The following LRP8 variants were observed in gnomAD, a reference collection of about 807,000 sequenced individuals.
The protein encoded by LRP8 is LDL receptor related protein 8, also known as low-density lipoprotein receptor-related protein 8.
Under a neutral mutation model 111.6 loss-of-function variants are expected in LRP8, and 46 were observed. That is an observed-to-expected ratio of 0.41 (90% CI 0.33 to 0.53). LRP8 has a LOEUF of 0.53. Among genes scored for constraint, LRP8 ranks in the 20% least tolerant of loss-of-function variants. LRP8 has a pLI of 0.20. For missense variants in LRP8, 959 were observed against 1,297.4 expected (o/e 0.74, Z 4.01); for synonymous variants, 464 against 511.2 (o/e 0.91, Z 1.24).
chr1:53,254,184 G>C (rs538727350), intron 16 of LRP8, among the ~76,000 whole-genome samples: 1 of 152,158 alleles, frequency 6.6e-6, no homozygotes, highest in Non-Finnish European at 1.5e-5. Flanking sequence ...TAAGAGAGGG[G>C]TGTACAGGAT....
chr1:53,246,840 T>A lies in LRP8; in HGVS notation c.*178A>T, dbSNP rs1359427137. The A allele has an allele frequency of 5.0e-6, 3 of 595,820 alleles. No individual in the cohort carries two copies. Among genetic ancestry groups the A allele is most frequent in the Non-Finnish European group, 8.8e-6 (3 of 341,378 alleles). 36.9% of individuals were successfully genotyped at this position (595,820 alleles called of 1,614,324 possible). ...AAAACTCTCACATCCTTTGGATGTT[T>A]GCAGTTCATCATAACTTTGTGGTTA... On this transcript the variant is annotated 3_prime_UTR_variant, in exon 19 of 19. Transcript: ENST00000306052.
In LRP8 at chr1:53,282,067, GCT is replaced by G. The variant is rs140786943; in HGVS notation, c.368-1354_368-1353del. Among the ~76,000 whole-genome samples, 573 of 152,284 alleles carry G rather than the reference GCT, an allele frequency of 3.8e-3. 2 individuals carry two copies. Among genetic ancestry groups the G allele is most frequent in the African/African-American group, 0.013 (550 of 41,542 alleles). On this transcript the variant is annotated intron_variant, in intron 3 of 18. Coordinates refer to ENST00000306052, the MANE Select transcript of LRP8 (RefSeq NM_004631.5). ...CTACTCATGCTTCGCCCTCCATTTT[GCT>G]CTCTGATCTCAGACCAGTTTCTCCT...
In LRP8 at chr1:53,275,568, G is replaced by A. The variant is rs945548741; in HGVS notation, c.1006+63C>T. ...AAACTCCTCCCAACTCTGCCCTCTGGAGAGTTACCAGAGCCTAGGGCATCC... is the reference window on the plus strand; with the variant it reads ...AAACTCCTCCCAACTCTGCCCTCTGAAGAGTTACCAGAGCCTAGGGCATCC... On this transcript the variant is annotated intron_variant, in intron 6 of 18. Transcript: ENST00000306052. The surrounding 1 kb of genome is among the most constrained non-coding windows in gnomAD (Gnocchi z 4.4). 1.3e-6 allele frequency: 2 copies of A among 1,594,314 alleles called. No individual in the cohort carries two copies. The highest frequency in any genetic ancestry group is 1.7e-6 in the Non-Finnish European group (2 of 1,165,962).
intron 6 of LRP8, 90 bp from the exon 7 acceptor site, chr1:53,271,436 C>G: frequency 6.7e-7 from 1 of 1,482,230 alleles, no homozygotes; most frequent in African/African-American, 1.4e-5. Flanking sequence ...AGCAGAGCCT[C>G]AGGGCAGTGG....
chr1:53,277,046 G>C lies in LRP8; in HGVS notation c.529C>G (p.Arg177Gly), dbSNP rs1419085145. ...CAPHEFQCGN[R>G]SCLAAVFVCD... ...ACGAACACGGCGGCCAGGCACGAGC[G>C]GTTGCCGCACTGGAACTCGTGCGGG... Residue 177 changes from arginine (R) to glycine (G), a missense_variant, in exon 5 of 19, where the codon CGC becomes GGC. Around this residue, in one of 3 missense-constraint regions of LRP8, gnomAD observed 819 missense variants for 1,097.6 expected, o/e 0.75. Coordinates refer to ENST00000306052, the MANE Select transcript of LRP8 (RefSeq NM_004631.5). 2 of 1,523,074 alleles carry C rather than the reference G, an allele frequency of 1.3e-6. No homozygotes were observed. Among genetic ancestry groups the C allele is most frequent in the Admixed American group, 2.0e-5 (1 of 50,618 alleles). The allele number at this position is 1,523,074 out of a possible 1,614,324, so 94.3% of individuals were successfully genotyped here.
At chr1:53,327,713 CCG>C in intron 1 of LRP8, 74 bp downstream of exon 1, 1 of 1,365,576 alleles carries the variant, frequency 7.3e-7, no homozygotes, top group Non-Finnish European at 9.5e-7. Context: ...GGACCCCTCC[CCG>C]CTCCGGCCTC....
Position 53,246,885 on chromosome 1 carries a change from T to TAA in LRP8, c.*131_*132dup. ...TGGTTACCTTTCCGCAACATAAATT[T>TAA]AAAAAAAAAATCACACACACACATA... On this transcript the variant is annotated 3_prime_UTR_variant, in exon 19 of 19. Transcript: ENST00000306052. The TAA allele has an allele frequency of 5.6e-6, 4 of 707,970 alleles. No homozygotes were observed. The highest frequency in any genetic ancestry group is 9.0e-6 in the Non-Finnish European group (4 of 442,982). 43.9% of individuals were successfully genotyped at this position (707,970 alleles called of 1,614,324 possible). A position where few individuals can be genotyped will look rare whatever the true frequency, so the allele number is the denominator to read the frequency against.
intron 2 of LRP8, among the ~76,000 whole-genome samples, chr1:53,308,822 C>T (rs1652471446): frequency 6.6e-6 from 1 of 152,232 alleles, no homozygotes; most frequent in South Asian, 2.1e-4. Flanking sequence ...TTGCCTGGTG[C>T]ACTGGCTAAC....
intron 2 of LRP8, among the ~76,000 whole-genome samples, chr1:53,325,101 A>C (rs1654974184): frequency 6.6e-6 from 1 of 152,104 alleles, no homozygotes; most frequent in African/African-American, 2.4e-5. Flanking sequence ...CAGTACTCCC[A>C]CTCTAAGGAG....
At chr1:53,259,725 A>G (rs1040243464) in intron 13 of LRP8, among the ~76,000 whole-genome samples, 13 of 152,180 alleles carry the variant, frequency 8.5e-5, no homozygotes, top group Admixed American at 7.2e-4. Context: ...GATTACAGGC[A>G]TGAGCCACCA....
In LRP8 at chr1:53,318,278, C is replaced by T. The variant is rs1281798566; in HGVS notation, c.244+8595G>A. On this transcript the variant is annotated intron_variant, in intron 2 of 18. Coordinates refer to ENST00000306052, the MANE Select transcript of LRP8 (RefSeq NM_004631.5). Reference sequence around the variant, plus strand: ...TTGGTGGGGGTGAAAGCCCTTGGGGCCAGAACACCGCTCGTTGTTCTCTCT... The same window carrying T: ...TTGGTGGGGGTGAAAGCCCTTGGGGTCAGAACACCGCTCGTTGTTCTCTCT... 4.0e-5 allele frequency among the ~76,000 whole-genome samples: 6 copies of T among 151,068 alleles called. No homozygotes were observed. In the East Asian group the frequency reaches 9.7e-4, roughly 24 times the overall value.
At chr1:53,281,493 G>T (rs1432045281) in intron 3 of LRP8, among the ~76,000 whole-genome samples, 1 of 152,234 alleles carries the variant, frequency 6.6e-6, no homozygotes, top group African/African-American at 2.4e-5. Flanking sequence ...GCTCCCTTCA[G>T]CCTTCCAGGG....
At chr1:53,287,393 A>G (rs1018223877) in intron 3 of LRP8, among the ~76,000 whole-genome samples, 1 of 152,146 alleles carries the variant, frequency 6.6e-6, no homozygotes, top group African/African-American at 2.4e-5. Flanking sequence ...AGCAAGGGGG[A>G]AAGGGGGTCT....
intron 2 of LRP8, among the ~76,000 whole-genome samples, chr1:53,320,313 C>T (rs1168244466): frequency 6.6e-6 from 1 of 152,162 alleles, no homozygotes; most frequent in African/African-American, 2.4e-5. Context: ...ACCCTGTTCC[C>T]GGATCCAGCA....
Position 53,250,514 on chromosome 1 carries a change from G to C in LRP8, c.2676+176C>G, listed in dbSNP as rs1421982058. ...GGAAGGAGGGAGGAAAGGAAGGAAA[G>C]AAGGAAAGAAAAAAGACAGGGAGGG... On this transcript the variant is annotated intron_variant, in intron 17 of 18. Transcript: ENST00000306052. This position sits in a 1 kb window ranked among gnomAD's most constrained non-coding sequence, Gnocchi z 4.6. 6.7e-6 allele frequency among the ~76,000 whole-genome samples: 1 copy of C among 148,834 alleles called. No individual in the cohort carries two copies. The highest frequency in any genetic ancestry group is 2.5e-5 in the African/African-American group (1 of 39,826).
At position 53,249,053 on chromosome 1, in the gene LRP8, A is replaced by G. The variant is rs1335495289; in HGVS notation, c.2853+327T>C. On this transcript the variant is annotated intron_variant, in intron 18 of 18. Transcript: ENST00000306052. The surrounding 1 kb of genome is among the most constrained non-coding windows in gnomAD (Gnocchi z 4.1). ...CCCTCTGATCTTCAAAAACTGGTCA[A>G]GCAACTATTTTTTTGGACTGGCCGA... Among the ~76,000 whole-genome samples, 1 of 152,196 alleles carries G rather than the reference A, an allele frequency of 6.6e-6. No individual in the cohort carries two copies. Among genetic ancestry groups the G allele is most frequent in the Non-Finnish European group, 1.5e-5 (1 of 68,032 alleles).
rs1039994526 is a variant in LRP8 at position 53,243,462 on chromosome 1, T to C, written c.*3556A>G. 12 of 152,246 alleles carry C rather than the reference T, an allele frequency of 7.9e-5. No homozygotes were observed. The highest frequency in any genetic ancestry group is 2.7e-4 in the African/African-American group (11 of 41,466). The allele number at this position is 152,246 out of a possible 1,614,324, so 9.4% of individuals were successfully genotyped here. The stretch of plus-strand genomic sequence containing the variant: ...GGCCACTGGAAAGCTTGAGGCTGAA[T>C]AATATCAGTTCTGCAAAGTGCTGGC... On this transcript the variant is annotated 3_prime_UTR_variant, in exon 19 of 19. Transcript: ENST00000306052.
chr1:53,298,008 C>T (rs1650066428), intron 2 of LRP8, among the ~76,000 whole-genome samples: 1 of 152,218 alleles, frequency 6.6e-6, no homozygotes, highest in African/African-American at 2.4e-5. Context: ...CAGGTGAACA[C>T]ATCTCTAAGG....
In LRP8 at chr1:53,258,422, G is replaced by A. The variant is rs759730582; in HGVS notation, c.2106C>T (p.Tyr702=). ...LSVQPNGGCE[Y]LCLPAPQISS... The stretch of plus-strand genomic sequence containing the variant: ...AGATCTGAGGAGCAGGAAGGCACAG[G>A]TATTCACAGCCTCCATTAGGCTGGA... The change falls in exon 14 of 19, where the codon TAC becomes TAT. Residue 702 remains tyrosine (Y), a synonymous_variant. Coordinates refer to ENST00000306052, the MANE Select transcript of LRP8 (RefSeq NM_004631.5). 35 of 1,613,942 alleles carry A rather than the reference G, an allele frequency of 2.2e-5. No homozygotes were observed. The African/African-American group carries it at 4.4e-4, about 20-fold the overall frequency.
Sources: allele counts gnomAD v4.1 joint callset (sites outside exome capture counted in the v4.1 genomes callset), GRCh38; gene constraint gnomAD v4.1.1; regional missense constraint gnomAD v4.1.1; non-coding constraint Gnocchi (gnomAD v3.1); transcripts MANE v1.5; gene names NCBI Gene and HGNC (gene_info 2026-07-23, HGNC 2026-07-21).